Variants in STOX1 observed in about 807,000 individuals in gnomAD.
STOX1 encodes the protein storkhead-box protein 1.
Under a neutral mutation model 74.8 loss-of-function variants are expected in STOX1, and 57 were observed. The ratio of observed to expected loss-of-function variants is 0.76; its 90% confidence interval spans 0.62 to 0.95. STOX1 has a LOEUF of 0.95. Among genes scored for constraint, STOX1 ranks in the 40% least tolerant of loss-of-function variants. The probability of loss-of-function intolerance (pLI) is 0.00; values close to 1 mark genes in which losing one functional copy is unlikely to be tolerated. For synonymous variants in STOX1, 375 were observed against 401.3 expected, an observed-to-expected ratio of 0.93 and a Z score of 0.78; for missense variants, 1,010 against 1,117.0, an observed-to-expected ratio of 0.90 and a Z score of 1.37.
At chr10:68,870,485 T>C (rs955557868) in intron 1 of STOX1, among the ~76,000 whole-genome samples, 6 of 152,360 alleles carry the variant, frequency 3.9e-5, no homozygotes, top group African/African-American at 1.4e-4. Flanking sequence ...TCACCAAAGA[T>C]GCCCATGTCC....
intron 1 of STOX1, among the ~76,000 whole-genome samples, chr10:68,844,749 G>C (rs202129914): frequency 6.3e-4 from 95 of 151,432 alleles, no homozygotes; most frequent in Middle Eastern, 3.4e-3. Flanking sequence ...ACTGTGGCTT[G>C]TCTTTTTATT....
At chr10:68,874,138 T>C (rs1739919414) in intron 1 of STOX1, among the ~76,000 whole-genome samples, 1 of 143,916 alleles carries the variant, frequency 6.9e-6, no homozygotes, top group Admixed American at 7.4e-5. Context: ...CCTAAAACAA[T>C]AGCCAAAAAA....
intron 1 of STOX1, among the ~76,000 whole-genome samples, chr10:68,849,343 T>G (rs186391903): frequency 5.3e-5 from 8 of 152,320 alleles, no homozygotes; most frequent in African/African-American, 1.9e-4. Flanking sequence ...TGTACTGTTC[T>G]CAACCCATTG....
chr10:68,888,593 G>A (rs1486735579), intron 3 of STOX1, among the ~76,000 whole-genome samples: 1 of 147,838 alleles, frequency 6.8e-6, no homozygotes, highest in Non-Finnish European at 1.5e-5. Context: ...TTTCTCAAAG[G>A]TCATTCTAAA....
At chr10:68,846,119 TTTATTATTATTATTATTATTA>T (rs201726154) in intron 1 of STOX1, among the ~76,000 whole-genome samples, 4 of 135,846 alleles carry the variant, frequency 2.9e-5, no homozygotes, top group Admixed American at 2.3e-4. Context: ...GCTTGAGGTT[TTTATTATTATTATTATTATTA>T]TTATTATTAT....
intron 1 of STOX1, among the ~76,000 whole-genome samples, chr10:68,837,330 G>A (rs141518961): frequency 5.8e-4 from 88 of 152,294 alleles, no homozygotes; most frequent in African/African-American, 2.0e-3. Flanking sequence ...CATGTGTCCC[G>A]GTTGTATGAC....
intron 1 of STOX1, among the ~76,000 whole-genome samples, chr10:68,879,808 A>G (rs1240854100): frequency 5.9e-5 from 9 of 152,160 alleles, no homozygotes; most frequent in Non-Finnish European, 1.0e-4. Context: ...TGCTACTGGC[A>G]TCTAGTGGGT....
chr10:68,885,344 G>A lies in STOX1; in HGVS notation c.1548G>A (p.Thr516=), dbSNP rs760728077. 15 of 1,614,150 alleles carry A rather than the reference G, an allele frequency of 9.3e-6. No homozygotes were observed. The highest frequency in any genetic ancestry group is 1.3e-5 in the African/African-American group (1 of 75,042). ...TISKGHKIQK[T]SDLKPSQTGP... ...CCAAAGGGCACAAAATTCAGAAGAC[G>A]AGTGATCTGAAACCCAGCCAGACTG... Residue 516 remains threonine (T), a synonymous_variant, in exon 3 of 4, where the codon ACG becomes ACA. Coordinates refer to ENST00000298596, the MANE Select transcript of STOX1 (RefSeq NM_152709.5).
At chr10:68,888,506 C>G (rs1320259492) in intron 3 of STOX1, among the ~76,000 whole-genome samples, 1 of 151,946 alleles carries the variant, frequency 6.6e-6, no homozygotes, top group Admixed American at 6.6e-5. Context: ...TGGGCTCGTA[C>G]TGAGTTACTA....
intron 3 of STOX1, among the ~76,000 whole-genome samples, chr10:68,891,792 A>T (rs1841104864): frequency 6.8e-6 from 1 of 148,050 alleles, no homozygotes; most frequent in African/African-American, 2.5e-5. Flanking sequence ...ACAGAGTGAG[A>T]CTCTGTTTCA....
intron 2 of STOX1, among the ~76,000 whole-genome samples, chr10:68,882,832 T>A (rs1012713999): frequency 1.3e-5 from 2 of 152,180 alleles, no homozygotes; most frequent in African/African-American, 4.8e-5. Context: ...CTCAACACGT[T>A]TCTCTTATTA....
intron 1 of STOX1, among the ~76,000 whole-genome samples, chr10:68,863,719 A>G (rs1429244120): frequency 6.6e-6 from 1 of 152,120 alleles, no homozygotes; most frequent in Non-Finnish European, 1.5e-5. Flanking sequence ...TAAAGTCACA[A>G]GTTGCTCATC....
intron 1 of STOX1, among the ~76,000 whole-genome samples, chr10:68,880,501 C>T (rs1034936836): frequency 1.3e-5 from 2 of 152,112 alleles, no homozygotes; most frequent in Admixed American, 6.6e-5. Context: ...ACCAGTGGCA[C>T]CTTCCAATCA....
chr10:68,864,199 C>T (rs1328858517), intron 1 of STOX1, among the ~76,000 whole-genome samples: 9 of 152,270 alleles, frequency 5.9e-5, no homozygotes, highest in Admixed American at 5.2e-4. Context: ...GTTGGGATTA[C>T]AGGCGTGAGC....
chr10:68,894,810 C>T (rs893700259), downstream of STOX1, among the ~76,000 whole-genome samples: 2 of 152,198 alleles, frequency 1.3e-5, no homozygotes, highest in Non-Finnish European at 2.9e-5. Flanking sequence ...ACTGCAGCCT[C>T]GACCTGTTGG....
At chr10:68,834,332 G>A (rs1022415766) in intron 1 of STOX1, among the ~76,000 whole-genome samples, 1 of 152,138 alleles carries the variant, frequency 6.6e-6, no homozygotes, top group East Asian at 1.9e-4. Context: ...TAGGGTACTC[G>A]GTGCCTGATG....
intron 1 of STOX1, among the ~76,000 whole-genome samples, chr10:68,840,285 C>T (rs1839660808): frequency 6.6e-6 from 1 of 152,190 alleles, no homozygotes; most frequent in Non-Finnish European, 1.5e-5. Flanking sequence ...TTGGATATGA[C>T]ACCAAAAGCA....
intron 1 of STOX1, among the ~76,000 whole-genome samples, chr10:68,836,370 G>T (rs946508275): frequency 7.9e-5 from 12 of 152,176 alleles, no homozygotes; most frequent in African/African-American, 2.2e-4. Flanking sequence ...ACAAATACAA[G>T]GCAATTTCCA....
chr10:68,857,739 G>T (rs546316801), intron 1 of STOX1, among the ~76,000 whole-genome samples: 1 of 152,222 alleles, frequency 6.6e-6, no homozygotes, highest in South Asian at 2.1e-4. Flanking sequence ...AGGCTCATGA[G>T]AATTGGCTTT....
Sources: allele counts gnomAD v4.1 joint callset (sites outside exome capture counted in the v4.1 genomes callset), GRCh38; gene constraint gnomAD v4.1.1; transcripts MANE v1.5; gene names NCBI Gene and HGNC (gene_info 2026-07-23, HGNC 2026-07-21).